The following RASGRF2 variants were observed in gnomAD, a reference collection of about 807,000 sequenced individuals.
The protein encoded by RASGRF2 is ras-specific guanine nucleotide-releasing factor 2.
RASGRF2 carries 76 observed loss-of-function variants against 151.0 expected under a neutral mutation model. The observed-to-expected ratio is 0.50, with a 90% CI of 0.42 to 0.61. The LOEUF (loss-of-function observed/expected upper bound fraction) is 0.61. Among genes scored for constraint, RASGRF2 ranks in the 20% least tolerant of loss-of-function variants. The pLI is 0.00. For synonymous variants in RASGRF2, 504 were observed against 566.5 expected (o/e 0.89, Z 1.57); for missense variants, 1,148 against 1,564.6 (o/e 0.73, Z 4.49).
chr5:81,131,077 A>AT (rs1345314384), intron 17 of RASGRF2, among the ~76,000 whole-genome samples: 3 of 152,188 alleles, frequency 2.0e-5, no homozygotes, highest in Non-Finnish European at 2.9e-5. Flanking sequence ...GCTCTCAAAC[A>AT]TTAACTCTAG....
At chr5:81,156,151 A>T (rs1255891997) in intron 17 of RASGRF2, among the ~76,000 whole-genome samples, 1 of 151,682 alleles carries the variant, frequency 6.6e-6, no homozygotes, top group African/African-American at 2.4e-5. Flanking sequence ...GAAAAAAAAA[A>T]TCTGAACAGA....
intron 18 of RASGRF2, among the ~76,000 whole-genome samples, chr5:81,195,455 A>T (rs1206679690): frequency 1.3e-5 from 2 of 152,220 alleles, no homozygotes; most frequent in Admixed American, 6.5e-5. Context: ...TATTTTCAAC[A>T]GGGACTTTTG....
At chr5:81,212,978 T>C (rs1214344631) in intron 23 of RASGRF2, among the ~76,000 whole-genome samples, 1 of 152,232 alleles carries the variant, frequency 6.6e-6, no homozygotes. Flanking sequence ...CTGTAGTAGA[T>C]GTAAAGTTTT....
At chr5:81,217,135 T>C in intron 24 of RASGRF2, 1 of 619,182 alleles carries the variant, frequency 1.6e-6, no homozygotes. Context: ...GCCATTTTTT[T>C]TCAAACACGT....
intron 17 of RASGRF2, among the ~76,000 whole-genome samples, chr5:81,163,902 T>C (rs1156574428): frequency 4.6e-5 from 7 of 152,212 alleles, no homozygotes; most frequent in Non-Finnish European, 1.0e-4. Context: ...GCAAAAATTC[T>C]CTTACTTCAT....
intron 1 of RASGRF2, among the ~76,000 whole-genome samples, chr5:81,020,539 G>C (rs1237892790): frequency 6.6e-6 from 1 of 152,164 alleles, no homozygotes; most frequent in Non-Finnish European, 1.5e-5. Context: ...CTGGCAAAGT[G>C]CTAGGATTGA....
chr5:81,216,575 A>G (rs1755745040), intron 24 of RASGRF2, among the ~76,000 whole-genome samples: 1 of 152,224 alleles, frequency 6.6e-6, no homozygotes, highest in African/African-American at 2.4e-5. Context: ...ACTAATTACC[A>G]AAGTATTTAC....
chr5:81,218,582 G>A (rs979408762), intron 25 of RASGRF2, among the ~76,000 whole-genome samples: 3 of 152,128 alleles, frequency 2.0e-5, no homozygotes, highest in African/African-American at 7.2e-5. Context: ...CCAGTACCAC[G>A]CTGTTTTGGT....
chr5:81,043,891 G>A (rs1437646796), intron 2 of RASGRF2, among the ~76,000 whole-genome samples: 2 of 152,092 alleles, frequency 1.3e-5, no homozygotes, highest in African/African-American at 2.4e-5. Context: ...CCTCACTGGC[G>A]CCCTCTTCAA....
chr5:80,986,248 G>A (rs1405003400), intron 1 of RASGRF2, among the ~76,000 whole-genome samples: 3 of 152,142 alleles, frequency 2.0e-5, no homozygotes, highest in Admixed American at 6.6e-5. Context: ...TAAAAAATTG[G>A]TCATAAATCT....
At chr5:81,065,439 G>T (rs1751573202) in intron 2 of RASGRF2, among the ~76,000 whole-genome samples, 1 of 152,138 alleles carries the variant, frequency 6.6e-6, no homozygotes, top group Admixed American at 6.5e-5. Flanking sequence ...TCAGAGTCCA[G>T]CTCCTTCATT....
chr5:81,007,921 C>T (rs1466817715), intron 1 of RASGRF2, among the ~76,000 whole-genome samples: 1 of 152,122 alleles, frequency 6.6e-6, no homozygotes, highest in African/African-American at 2.4e-5. Context: ...GAAGCATCCT[C>T]ATCCCTTGGC....
chr5:81,225,496 G>A (rs1413645889), intron 26 of RASGRF2, among the ~76,000 whole-genome samples, 182 bp from the exon 27 acceptor site: 1 of 149,152 alleles, frequency 6.7e-6, no homozygotes, highest in Non-Finnish European at 1.5e-5. Flanking sequence ...GGTTGAGAGA[G>A]GACTAGAGAT....
chr5:81,007,707 C>T (rs1315418549), intron 1 of RASGRF2, among the ~76,000 whole-genome samples: 3 of 152,154 alleles, frequency 2.0e-5, no homozygotes, highest in Non-Finnish European at 2.9e-5. Context: ...TCAGCTGCCC[C>T]TCCACGATAA....
intron 9 of RASGRF2, among the ~76,000 whole-genome samples, chr5:81,090,995 T>C (rs73766185): frequency 0.031 from 4,753 of 152,254 alleles, 204 homozygotes; most frequent in African/African-American, 0.098. Context: ...TGATGGCTCA[T>C]GGCCCCCATG....
chr5:81,068,147 C>G lies in RASGRF2; in HGVS notation c.511C>G (p.Gln171Glu). The G allele has an allele frequency of 6.2e-7, 1 of 1,612,732 alleles. No homozygotes were observed. The highest frequency in any genetic ancestry group is 1.1e-5 in the South Asian group (1 of 90,758). ...ANQLRHQLEDQDTEIERLKSE... is the reference protein window; with the variant it reads ...ANQLRHQLEDEDTEIERLKSE... ...CCAACTCCGACATCAACTTGAAGAT[C>G]AAGACACAGAAATCGAAAGGCTTAA... Residue 171 changes from glutamine to glutamate, a missense_variant, in exon 3 of 27, where the codon CAA becomes GAA. Around this residue, in one of 5 missense-constraint regions of RASGRF2, gnomAD observed 221 missense variants for 271.3 expected, o/e 0.81. Coordinates refer to ENST00000265080, the MANE Select transcript of RASGRF2 (RefSeq NM_006909.3).
chr5:81,105,700 A>AAAG (rs1345763862), intron 12 of RASGRF2, among the ~76,000 whole-genome samples: 1 of 152,184 alleles, frequency 6.6e-6, no homozygotes, highest in Non-Finnish European at 1.5e-5. Context: ...CTGAGAGTGA[A>AAAG]AAGAAGTCTA....
At chr5:81,057,823 C>A (rs1057452019) in intron 2 of RASGRF2, among the ~76,000 whole-genome samples, 1 of 151,884 alleles carries the variant, frequency 6.6e-6, no homozygotes, top group African/African-American at 2.4e-5. Flanking sequence ...AGTGAGACCT[C>A]GTCTCCACAA....
At chr5:81,131,362 G>C (rs1288307142) in intron 17 of RASGRF2, among the ~76,000 whole-genome samples, 1 of 151,936 alleles carries the variant, frequency 6.6e-6, no homozygotes, top group Non-Finnish European at 1.5e-5. Flanking sequence ...CAATCTTTTT[G>C]GGGGGTCGGG....
Sources: allele counts gnomAD v4.1 joint callset (sites outside exome capture counted in the v4.1 genomes callset), GRCh38; gene constraint gnomAD v4.1.1; regional missense constraint gnomAD v4.1.1; transcripts MANE v1.5; gene names NCBI Gene and HGNC (gene_info 2026-07-23, HGNC 2026-07-21).